The following GMCL1 variants were observed in gnomAD, a reference collection of about 807,000 sequenced individuals.
The protein encoded by GMCL1 is germ cell-less 1, spermatogenesis associated.
GMCL1 carries 54 observed loss-of-function variants against 75.5 expected under a neutral mutation model. The observed-to-expected ratio is 0.71, with a 90% CI of 0.57 to 0.90. GMCL1 has a LOEUF of 0.90. GMCL1 is among the 40% of genes least tolerant of loss of function. The pLI is 0.00. For missense variants in GMCL1, 537 were observed against 622.7 expected (o/e 0.86, Z 1.47); for synonymous variants, 210 against 209.6 (o/e 1.00, Z -0.02).
intron 4 of GMCL1, chr2:69,842,593 A>G (rs1036201489): frequency 4.6e-5 from 7 of 152,214 alleles, no homozygotes; most frequent in African/African-American, 9.6e-5. Flanking sequence ...TATTCTTCCC[A>G]TATATTAAAG....
rs750471315 is a variant in GMCL1 at position 69,869,805 on chromosome 2, A to G, written c.1305A>G (p.Thr435=). 2 of 1,614,000 alleles carry G rather than the reference A, an allele frequency of 1.2e-6. No homozygotes were observed. The highest frequency in any genetic ancestry group is 2.2e-5 in the East Asian group (1 of 44,870). The change falls in exon 12 of 14, where the codon ACA becomes ACG. Residue 435 remains threonine, a synonymous_variant. Transcript: ENST00000282570. The part of the protein sequence containing the change: ...TNRYIIFKRN[T]LNQPCSGSVS... ...GATACATCATTTTCAAACGCAATAC[A>G]CTGAATCAGCCATGTAGCGGATCTG...
At chr2:69,859,986 A>T (rs1453538338) in intron 9 of GMCL1, among the ~76,000 whole-genome samples, 1 of 152,068 alleles carries the variant, frequency 6.6e-6, no homozygotes, top group Non-Finnish European at 1.5e-5. Flanking sequence ...AATAGTGCTG[A>T]GCCAATTCTA....
chr2:69,842,853 CAG>C lies in GMCL1; in HGVS notation c.580-295_580-294del, dbSNP rs147195640. Reference sequence around the variant, plus strand: ...TAAAGAAATTTGCAAAGGTCTCAGACAGGGGAAGAATAGAAAAGAAAAAGAAT... The same window carrying C: ...TAAAGAAATTTGCAAAGGTCTCAGACGGGAAGAATAGAAAAGAAAAAGAAT... On this transcript the variant is annotated intron_variant, in intron 4 of 13. Transcript: ENST00000282570. 66 of 178,532 alleles carry C rather than the reference CAG, an allele frequency of 3.7e-4. No homozygotes were observed. The East Asian group carries it at 5.5e-3, about 15-fold the overall frequency. 11.1% of individuals were successfully genotyped at this position (178,532 alleles called of 1,614,324 possible). A position where few individuals can be genotyped will look rare whatever the true frequency, so the allele number is the denominator to read the frequency against.
At position 69,844,134 on chromosome 2, in the gene GMCL1, C is replaced by T; in HGVS notation, c.696C>T (p.Cys232=). The part of the protein sequence containing the change: ...TYGLDSVKKK[C]LEWLLNNLMT... The stretch of plus-strand genomic sequence containing the variant: ...TAATTATATATTTTAATTTCAGGTG[C>T]CTTGAATGGCTTCTAAACAATTTGA... The change falls in exon 6 of 14, where the codon TGC becomes TGT. Residue 232 remains cysteine (C), a synonymous_variant. Transcript: ENST00000282570. 6.6e-7 allele frequency: 1 copy of T among 1,526,080 alleles called. No individual in the cohort carries two copies. The highest frequency in any genetic ancestry group is 2.3e-5 in the East Asian group (1 of 43,010). 94.5% of individuals were successfully genotyped at this position (1,526,080 alleles called of 1,614,324 possible). A position where few individuals can be genotyped will look rare whatever the true frequency, so the allele number is the denominator to read the frequency against.
Position 69,881,014 on chromosome 2 carries a change from G to C in GMCL1, c.*2010G>C, listed in dbSNP as rs1359357731. ...TATAAATTCCAAACTTAAATTATTT[G>C]GATAATTAAGTTTTTGCAGATCTTG... On this transcript the variant is annotated 3_prime_UTR_variant, in exon 14 of 14. Coordinates refer to ENST00000282570, the MANE Select transcript of GMCL1 (RefSeq NM_178439.5). 1 of 151,938 alleles carries C rather than the reference G, an allele frequency of 6.6e-6. No individual in the cohort carries two copies. The highest frequency in any genetic ancestry group is 1.9e-4 in the East Asian group (1 of 5,192). The allele number at this position is 151,938 out of a possible 1,614,324, so 9.4% of individuals were successfully genotyped here. A position where few individuals can be genotyped will look rare whatever the true frequency, so the allele number is the denominator to read the frequency against.
chr2:69,868,349 C>T (rs1175219215), intron 11 of GMCL1, among the ~76,000 whole-genome samples: 1 of 152,046 alleles, frequency 6.6e-6, no homozygotes, highest in African/African-American at 2.4e-5. Context: ...ATAATATGTG[C>T]TCAATAAATA....
chr2:69,846,057 C>A (rs1037708465), intron 6 of GMCL1, among the ~76,000 whole-genome samples: 1 of 151,026 alleles, frequency 6.6e-6, no homozygotes, highest in African/African-American at 2.4e-5. Context: ...CTTGAACTCT[C>A]AAGATACAAT....
rs141278260 is a variant in GMCL1, at chr2:69,843,019, T to C, written c.580-130T>C. ...AAAAAAAAAAAAAACTTAGGTTTGC[T>C]GCACTTAATGAGTTTTCTTTCTTTT... On this transcript the variant is annotated intron_variant, in intron 4 of 13. Coordinates refer to ENST00000282570, the MANE Select transcript of GMCL1 (RefSeq NM_178439.5). The C allele has an allele frequency of 6.6e-4, 241 of 362,552 alleles. 1 individual carries two copies. The highest frequency in any genetic ancestry group is 4.2e-3 in the Admixed American group (90 of 21,258). 22.5% of individuals were successfully genotyped at this position (362,552 alleles called of 1,614,324 possible).
At chr2:69,873,465 G>A (rs1676039809) in intron 13 of GMCL1, 1 of 151,546 alleles carries the variant, frequency 6.6e-6, no homozygotes, top group Admixed American at 6.6e-5. Flanking sequence ...TATCATTTTT[G>A]CAAAATTGGA....
At chr2:69,837,278 G>GA (rs1339608017) in intron 1 of GMCL1, among the ~76,000 whole-genome samples, 2 of 151,146 alleles carry the variant, frequency 1.3e-5, no homozygotes, top group South Asian at 2.1e-4. Context: ...CATGTGTAGT[G>GA]AAAAGTCTGC....
intron 3 of GMCL1, chr2:69,840,096 T>C (rs1674938744): frequency 6.6e-6 from 1 of 152,486 alleles, no homozygotes; most frequent in Non-Finnish European, 1.5e-5. Context: ...CACATGGAAG[T>C]ACCTGGTGCG....
intron 1 of GMCL1, among the ~76,000 whole-genome samples, chr2:69,835,274 T>C (rs1242952612): frequency 6.6e-6 from 1 of 152,200 alleles, no homozygotes; most frequent in African/African-American, 2.4e-5. Flanking sequence ...ATCATGTCTT[T>C]AGTCTCTAAA....
chr2:69,850,693 C>T (rs1005692364), intron 8 of GMCL1, among the ~76,000 whole-genome samples: 1 of 152,134 alleles, frequency 6.6e-6, no homozygotes. Flanking sequence ...TAGTGGTGTG[C>T]TAATAAGCTG....
intron 1 of GMCL1, among the ~76,000 whole-genome samples, chr2:69,830,417 C>G (rs554717490): frequency 5.3e-5 from 8 of 152,328 alleles, no homozygotes; most frequent in South Asian, 2.1e-4. Context: ...ACGCCAAGCC[C>G]GAGCTCGCGT....
rs536215894 is a variant in GMCL1 at position 69,855,670 on chromosome 2, T to C, written c.1072+710T>C. 1.6e-4 allele frequency among the ~76,000 whole-genome samples: 24 copies of C among 152,292 alleles called. No homozygotes were observed. The South Asian group carries it at 4.1e-3, about 26-fold the overall frequency. ...GAAAGAAATTGAAGGGAAGGAAAAC[T>C]TAGAGTTAACTCTTCTGGTATATTT... On this transcript the variant is annotated intron_variant, in intron 9 of 13. Coordinates refer to ENST00000282570, the MANE Select transcript of GMCL1 (RefSeq NM_178439.5).
chr2:69,861,207 A>G (rs1675632609), intron 9 of GMCL1, 71 bp from the exon 10 acceptor site: 2 of 1,114,384 alleles, frequency 1.8e-6, no homozygotes, highest in Non-Finnish European at 2.6e-6. Flanking sequence ...AATTTTGTCA[A>G]CTATGAATGT....
intron 4 of GMCL1, among the ~76,000 whole-genome samples, chr2:69,842,245 G>A (rs532480391): frequency 6.6e-6 from 1 of 152,264 alleles, no homozygotes; most frequent in East Asian, 1.9e-4. Flanking sequence ...TAAGAGGAAA[G>A]GGGAGGAGTC....
Position 69,847,525 on chromosome 2 carries a change from T to A in GMCL1, c.759-18T>A. On this transcript the variant is annotated intron_variant, in intron 6 of 13. Transcript: ENST00000282570. ...TGTGCCTAAAGATAAGCTCACTCCCTCTATTTATCCTTTTCAGTATAAATG... is the reference window on the plus strand; with the variant it reads ...TGTGCCTAAAGATAAGCTCACTCCCACTATTTATCCTTTTCAGTATAAATG... 6.7e-7 allele frequency: 1 copy of A among 1,495,806 alleles called. No individual in the cohort carries two copies. The highest frequency in any genetic ancestry group is 9.3e-7 in the Non-Finnish European group (1 of 1,072,760). 92.7% of individuals were successfully genotyped at this position (1,495,806 alleles called of 1,614,324 possible).
chr2:69,879,048 C>A lies in GMCL1; in HGVS notation c.*44C>A. The A allele has an allele frequency of 8.1e-7, 1 of 1,227,542 alleles. No homozygotes were observed. The highest frequency in any genetic ancestry group is 1.2e-6 in the Non-Finnish European group (1 of 839,676). The allele number at this position is 1,227,542 out of a possible 1,614,324, so 76.0% of individuals were successfully genotyped here. On this transcript the variant is annotated 3_prime_UTR_variant, in exon 14 of 14. Transcript: ENST00000282570. ...AAATCCAGAAAACTGAAGATTTCAT[C>A]AGTTGGAAACAGTAGCACTTTGAAA... is the stretch of plus-strand genomic sequence containing the variant.
Sources: allele counts gnomAD v4.1 joint callset (sites outside exome capture counted in the v4.1 genomes callset), GRCh38; gene constraint gnomAD v4.1.1; transcripts MANE v1.5; gene names NCBI Gene and HGNC (gene_info 2026-07-23, HGNC 2026-07-21).